Variants in CDYL observed in about 807,000 individuals in gnomAD.
CDYL encodes chromodomain Y-like protein.
CDYL carries 8 observed loss-of-function variants against 47.3 expected under a neutral mutation model. The ratio of observed to expected loss-of-function variants is 0.17; its 90% confidence interval spans 0.10 to 0.31. The LOEUF is 0.31. Ranked by LOEUF, CDYL falls within the 10% of genes least tolerant of loss-of-function variation. The pLI is 1.00. For missense variants in CDYL, 471 were observed against 701.4 expected (o/e 0.67, Z 3.71); for synonymous variants, 266 against 265.0 (o/e 1.00, Z -0.04).
chr6:4,805,234 G>A (rs1759337192), intron 1 of CDYL, among the ~76,000 whole-genome samples: 1 of 152,138 alleles, frequency 6.6e-6, no homozygotes, highest in African/African-American at 2.4e-5. Flanking sequence ...CCAAACATGG[G>A]AACTCATGTA....
chr6:4,759,579 C>T lies in CDYL; in HGVS notation c.186+24735C>T, dbSNP rs142234965. 2.3e-4 allele frequency among the ~76,000 whole-genome samples: 35 copies of T among 151,950 alleles called. No individual in the cohort carries two copies. The East Asian group carries it at 2.9e-3, about 13-fold the overall frequency. ...AATTAAAAGAGCCCATTGATCTTCT[C>T]ATTTTAGAAATTGTAGGACTTGGTG... On this transcript the variant is annotated intron_variant, in intron 3 of 8. Coordinates refer to the CDYL transcript ENST00000328908.
chr6:4,945,169 C>G (rs1758474855), intron 5 of CDYL, among the ~76,000 whole-genome samples: 1 of 152,124 alleles, frequency 6.6e-6, no homozygotes, highest in Admixed American at 6.5e-5. Flanking sequence ...TGGTGAAATT[C>G]ACATCATGTT....
chr6:4,827,224 T>C (rs1167067007), intron 1 of CDYL, among the ~76,000 whole-genome samples: 1 of 152,266 alleles, frequency 6.6e-6, no homozygotes, highest in Non-Finnish European at 1.5e-5. Context: ...CATATAGTTA[T>C]ATAATGTTTT....
At chr6:4,853,845 C>G (rs958593447) in intron 1 of CDYL, among the ~76,000 whole-genome samples, 6 of 152,250 alleles carry the variant, frequency 3.9e-5, no homozygotes, top group African/African-American at 1.2e-4. Flanking sequence ...GTGTGCAGAA[C>G]AGCATGGCAG....
chr6:4,846,204 G>GAAAAAAA (rs1561666782), intron 1 of CDYL, among the ~76,000 whole-genome samples: 9 of 151,274 alleles, frequency 5.9e-5, no homozygotes, highest in Non-Finnish European at 1.0e-4. Flanking sequence ...AAAAAAGGTG[G>GAAAAAAA]ATATGGCTAT....
intron 2 of CDYL, among the ~76,000 whole-genome samples, chr6:4,929,504 A>C (rs1757973100): frequency 1.3e-5 from 2 of 150,926 alleles, no homozygotes; most frequent in African/African-American, 4.9e-5. Context: ...ACACACACAC[A>C]CACACACACA....
chr6:4,936,398 T>C (rs1384826512), intron 3 of CDYL, among the ~76,000 whole-genome samples: 1 of 152,158 alleles, frequency 6.6e-6, no homozygotes, highest in Non-Finnish European at 1.5e-5. Context: ...ACCTAACCTA[T>C]ATCTTTCCAA....
chr6:4,804,710 C>T (rs141401517), intron 1 of CDYL, among the ~76,000 whole-genome samples: 28 of 152,306 alleles, frequency 1.8e-4, no homozygotes, highest in East Asian at 1.3e-3. Context: ...ACTGTCTGCA[C>T]GTCCGTCTGG....
chr6:4,823,608 A>C (rs1389730259), intron 1 of CDYL, among the ~76,000 whole-genome samples: 1 of 152,160 alleles, frequency 6.6e-6, no homozygotes, highest in African/African-American at 2.4e-5. Context: ...CGTAAAATGT[A>C]TGTAACCTAA....
chr6:4,744,266 G>A (rs1757849282), intron 3 of CDYL, among the ~76,000 whole-genome samples: 1 of 152,220 alleles, frequency 6.6e-6, no homozygotes, highest in African/African-American at 2.4e-5. Flanking sequence ...GCTGAGGTGG[G>A]AGGACTGCTT....
chr6:4,899,663 C>G (rs893492444), intron 2 of CDYL, among the ~76,000 whole-genome samples: 1 of 152,208 alleles, frequency 6.6e-6, no homozygotes, highest in Non-Finnish European at 1.5e-5. Context: ...AATTTAAGCC[C>G]TTTCAGGCAG....
At chr6:4,821,231 G>A (rs1343250697) in intron 1 of CDYL, among the ~76,000 whole-genome samples, 1 of 145,372 alleles carries the variant, frequency 6.9e-6, no homozygotes, top group Admixed American at 6.9e-5. Flanking sequence ...AATCAGAGGA[G>A]AGGTGATTAT....
chr6:4,781,712 T>C (rs961448765), intron 1 of CDYL, among the ~76,000 whole-genome samples: 5 of 152,222 alleles, frequency 3.3e-5, no homozygotes, highest in Non-Finnish European at 7.3e-5. Context: ...TCTATAATGA[T>C]TTTAACCACG....
chr6:4,791,602 C>G (rs1248614633), intron 1 of CDYL, among the ~76,000 whole-genome samples: 2 of 152,112 alleles, frequency 1.3e-5, no homozygotes, highest in Admixed American at 6.5e-5. Context: ...ACTTGGCAGA[C>G]AGGCCCTCTG....
chr6:4,911,713 C>T (rs927829423), intron 2 of CDYL, among the ~76,000 whole-genome samples: 6 of 152,134 alleles, frequency 3.9e-5, no homozygotes, highest in Non-Finnish European at 8.8e-5. Flanking sequence ...AATTATTTAA[C>T]TTTAAATAAC....
intron 2 of CDYL, among the ~76,000 whole-genome samples, chr6:4,720,824 G>A (rs191857523): frequency 8.5e-5 from 13 of 152,290 alleles, no homozygotes; most frequent in East Asian, 7.7e-4. Context: ...GATCATGGTC[G>A]ATTTTTAACC....
intron 1 of CDYL, among the ~76,000 whole-genome samples, chr6:4,891,300 C>G (rs1347251773): frequency 6.6e-6 from 1 of 152,204 alleles, no homozygotes; most frequent in Admixed American, 6.5e-5. Flanking sequence ...CGCCTTGTAG[C>G]TCATTGCTGT....
chr6:4,815,000 A>G (rs1049420365), intron 1 of CDYL, among the ~76,000 whole-genome samples: 7 of 152,146 alleles, frequency 4.6e-5, no homozygotes, highest in African/African-American at 1.7e-4. Context: ...CTTATTCAGA[A>G]ATATTCTCAT....
intron 2 of CDYL, among the ~76,000 whole-genome samples, chr6:4,722,430 T>C (rs937348285): frequency 2.6e-5 from 4 of 152,070 alleles, no homozygotes; most frequent in Non-Finnish European, 4.4e-5. Context: ...ACACAAAAAC[T>C]AATTAAATTA....
Sources: allele counts gnomAD v4.1 joint callset (sites outside exome capture counted in the v4.1 genomes callset), GRCh38; gene constraint gnomAD v4.1.1; transcripts MANE v1.5; gene names NCBI Gene and HGNC (gene_info 2026-07-23, HGNC 2026-07-21).